CCBE1: variants seen among roughly 807,000 people sequenced by gnomAD.
The protein encoded by CCBE1 is collagen and calcium binding EGF domains 1.
CCBE1 carries 37 observed loss-of-function variants against 50.0 expected under a neutral mutation model. The ratio of observed to expected loss-of-function variants is 0.74; its 90% confidence interval spans 0.57 to 0.97. The LOEUF (loss-of-function observed/expected upper bound fraction) is 0.97. Among genes scored for constraint, CCBE1 ranks in the 50% least tolerant of loss-of-function variants. CCBE1 has a pLI of 0.00. For missense variants in CCBE1, 538 were observed against 523.8 expected, an observed-to-expected ratio of 1.03 and a Z score of -0.26; for synonymous variants, 234 against 203.7, an observed-to-expected ratio of 1.15 and a Z score of -1.27.
At chr18:59,440,111 A>C (rs1910353065) in intron 7 of CCBE1, among the ~76,000 whole-genome samples, 3 of 152,188 alleles carry the variant, frequency 2.0e-5, no homozygotes, top group African/African-American at 7.2e-5. Context: ...ATCAGTGGCC[A>C]GCTCCTGTGC....
At chr18:59,439,239 A>T (rs925257875) in intron 9 of CCBE1, among the ~76,000 whole-genome samples, 1 of 152,076 alleles carries the variant, frequency 6.6e-6, no homozygotes, top group African/African-American at 2.4e-5. Context: ...GTGAGCTGAG[A>T]TCGTGCCACT....
chr18:59,518,199 A>G (rs1342830696), intron 2 of CCBE1, among the ~76,000 whole-genome samples: 1 of 152,166 alleles, frequency 6.6e-6, no homozygotes, highest in Non-Finnish European at 1.5e-5. Context: ...GATTAAGAGA[A>G]CAAAGCTGGC....
At chr18:59,454,549 AATTT>A (rs1435311710) in intron 6 of CCBE1, among the ~76,000 whole-genome samples, 1 of 152,190 alleles carries the variant, frequency 6.6e-6, no homozygotes, top group East Asian at 1.9e-4. Flanking sequence ...CCCGGCTGGA[AATTT>A]ATTTTATGAG....
At chr18:59,524,094 G>A (rs1335197784) in intron 2 of CCBE1, among the ~76,000 whole-genome samples, 1 of 152,184 alleles carries the variant, frequency 6.6e-6, no homozygotes, top group Non-Finnish European at 1.5e-5. Flanking sequence ...GCCGAGGCAG[G>A]CAGATTGCTT....
chr18:59,466,960 G>A lies in CCBE1; in HGVS notation c.401-69C>T, dbSNP rs1033864229. The A allele has an allele frequency of 1.0e-5, 14 of 1,372,758 alleles. No individual in the cohort carries two copies. In the African/African-American group the frequency reaches 1.6e-4, roughly 15 times the overall value. 85.0% of individuals were successfully genotyped at this position (1,372,758 alleles called of 1,614,324 possible). The stretch of plus-strand genomic sequence containing the variant: ...CACTTCTAATACAACAGATGACATT[G>A]GGCTTTGCCTCTCTGTTAATAACAA... On this transcript the variant is annotated intron_variant, in intron 4 of 10. Transcript: ENST00000439986.
chr18:59,694,033 T>C (rs916204912), intron 2 of CCBE1, among the ~76,000 whole-genome samples: 2 of 151,728 alleles, frequency 1.3e-5, no homozygotes, highest in Non-Finnish European at 2.9e-5. Context: ...CACCACACCA[T>C]GCTAATTTTT....
At chr18:59,631,169 T>A (rs538626147) in intron 2 of CCBE1, among the ~76,000 whole-genome samples, 1 of 151,854 alleles carries the variant, frequency 6.6e-6, no homozygotes, top group Non-Finnish European at 1.5e-5. Context: ...AATATTGATA[T>A]GTAGCTCAAC....
intron 7 of CCBE1, among the ~76,000 whole-genome samples, chr18:59,447,607 G>C (rs1422863271): frequency 1.3e-5 from 2 of 152,212 alleles, no homozygotes; most frequent in Admixed American, 6.5e-5. Flanking sequence ...TGAGTTGTTA[G>C]AATTGGGTGA....
rs1452530368 is a variant in CCBE1, at chr18:59,444,067, T to C, written c.775+3916A>G. ...TCATCTATATTGTTCCGTGTCAAAATTTCCATCTTTTTAAAGGCTGAATAA... is the reference window on the plus strand; with the variant it reads ...TCATCTATATTGTTCCGTGTCAAAACTTCCATCTTTTTAAAGGCTGAATAA... On this transcript the variant is annotated intron_variant, in intron 7 of 10. Transcript: ENST00000439986. Among the ~76,000 whole-genome samples, 4 of 152,090 alleles carry C rather than the reference T, an allele frequency of 2.6e-5. No individual in the cohort carries two copies. In the East Asian group the frequency reaches 7.7e-4, roughly 29 times the overall value.
intron 2 of CCBE1, among the ~76,000 whole-genome samples, chr18:59,605,158 C>G (rs557960168): frequency 2.6e-5 from 4 of 152,144 alleles, no homozygotes; most frequent in African/African-American, 7.2e-5. Context: ...GGCTGCTCCC[C>G]CTAGGAGGCA....
At chr18:59,481,334 A>G (rs890746531) in intron 2 of CCBE1, among the ~76,000 whole-genome samples, 7 of 94,456 alleles carry the variant, frequency 7.4e-5, no homozygotes, top group Admixed American at 2.8e-4. Flanking sequence ...GTGTGGGCTA[A>G]TATCAGAGTC....
At chr18:59,489,986 A>AATT (rs1433224859) in intron 2 of CCBE1, among the ~76,000 whole-genome samples, 2 of 78,698 alleles carry the variant, frequency 2.5e-5, no homozygotes, top group Non-Finnish European at 4.8e-5. Context: ...ACGCATAAGG[A>AATT]GTTTTTTTTT....
At chr18:59,548,123 T>G (rs1915777469) in intron 2 of CCBE1, among the ~76,000 whole-genome samples, 1 of 152,220 alleles carries the variant, frequency 6.6e-6, no homozygotes, top group African/African-American at 2.4e-5. Context: ...ACCAAGAGTT[T>G]ATCCAAGACA....
At chr18:59,478,128 G>T (rs1486663568) in intron 3 of CCBE1, among the ~76,000 whole-genome samples, 2 of 152,114 alleles carry the variant, frequency 1.3e-5, no homozygotes, top group African/African-American at 4.8e-5. Flanking sequence ...CTTCTGGCCA[G>T]CAGATTCCAA....
intron 2 of CCBE1, among the ~76,000 whole-genome samples, chr18:59,521,195 A>G (rs13313702): frequency 0.23 from 35,615 of 152,212 alleles, 5,278 homozygotes; most frequent in Non-Finnish European, 0.33. Context: ...GAATTTTTAC[A>G]AAGTTGAAAA....
chr18:59,553,075 G>C (rs1915986593), intron 2 of CCBE1, among the ~76,000 whole-genome samples: 1 of 152,114 alleles, frequency 6.6e-6, no homozygotes, highest in African/African-American at 2.4e-5. Flanking sequence ...ACCACCACTA[G>C]CCACGCTGGT....
At chr18:59,680,686 G>T (rs1202478221) in intron 2 of CCBE1, among the ~76,000 whole-genome samples, 1 of 149,828 alleles carries the variant, frequency 6.7e-6, no homozygotes, top group Non-Finnish European at 1.5e-5. Flanking sequence ...GAGACAGAGC[G>T]AGACTCCATC....
chr18:59,564,829 C>T (rs1392121187), intron 2 of CCBE1, among the ~76,000 whole-genome samples: 1 of 152,212 alleles, frequency 6.6e-6, no homozygotes, highest in East Asian at 1.9e-4. Flanking sequence ...TGATGACAGC[C>T]TGGCCTTGGT....
intron 2 of CCBE1, among the ~76,000 whole-genome samples, chr18:59,499,641 A>T (rs1456251590): frequency 6.6e-6 from 1 of 152,176 alleles, no homozygotes. Flanking sequence ...CACGGGAAAG[A>T]ACTGCCCTCG....
Sources: gnomAD v4.1 joint callset for allele counts (sites outside exome capture counted in the v4.1 genomes callset) on GRCh38, gnomAD v4.1.1 for gene constraint, MANE v1.5 for transcripts, NCBI Gene and HGNC (gene_info 2026-07-23, HGNC 2026-07-21) for gene names.